PTPRN2: variants seen among roughly 807,000 people sequenced by gnomAD.
PTPRN2 encodes the protein receptor-type tyrosine-protein phosphatase N2.
A neutral mutation model predicts 118.8 loss-of-function variants in PTPRN2; 74 were observed. The ratio of observed to expected loss-of-function variants is 0.62; its 90% CI spans 0.52 to 0.76. The LOEUF (loss-of-function observed/expected upper bound fraction) is 0.76. Ranked by LOEUF, PTPRN2 falls within the 30% of genes least tolerant of loss-of-function variation. The probability of loss-of-function intolerance (pLI) is 0.00; values close to 1 mark genes in which losing one functional copy is unlikely to be tolerated. For synonymous variants in PTPRN2, 641 were observed against 608.0 expected (o/e 1.05, Z -0.80); for missense variants, 1,481 against 1,394.4 (o/e 1.06, Z -0.99).
At chr7:158,069,549 G>A (rs530234128) in intron 11 of PTPRN2, among the ~76,000 whole-genome samples, 12 of 139,740 alleles carry the variant, frequency 8.6e-5, no homozygotes, top group African/African-American at 2.8e-4. Flanking sequence ...CGGCCGCCAC[G>A]CCCCACCTCC....
intron 12 of PTPRN2, among the ~76,000 whole-genome samples, chr7:157,684,599 C>T (rs1049430400): frequency 2.0e-5 from 3 of 150,740 alleles, no homozygotes; most frequent in Non-Finnish European, 4.4e-5. Context: ...CTCCCCTCCC[C>T]TCCGCCCCCC....
intron 12 of PTPRN2, among the ~76,000 whole-genome samples, chr7:157,683,739 C>A (rs1797025880): frequency 6.6e-6 from 1 of 152,094 alleles, no homozygotes; most frequent in South Asian, 2.1e-4. Context: ...TCTCCACGTG[C>A]AAATAGTTGC....
chr7:157,755,903 T>A (rs1316945059), intron 12 of PTPRN2, among the ~76,000 whole-genome samples: 3 of 152,108 alleles, frequency 2.0e-5, no homozygotes, highest in African/African-American at 7.2e-5. Flanking sequence ...AAAAGAAGAA[T>A]GCGAGCATTT....
chr7:158,097,937 T>C (rs1814775624), intron 10 of PTPRN2, among the ~76,000 whole-genome samples: 1 of 151,980 alleles, frequency 6.6e-6, no homozygotes. Flanking sequence ...AATGAGCAGC[T>C]CCCAGAACAT....
At chr7:157,979,269 CT>C (rs756513478) in intron 11 of PTPRN2, among the ~76,000 whole-genome samples, 2 of 152,206 alleles carry the variant, frequency 1.3e-5, no homozygotes, top group Non-Finnish European at 2.9e-5. Context: ...GAGGACATTG[CT>C]TAAGTTATCA....
intron 2 of PTPRN2, among the ~76,000 whole-genome samples, chr7:158,347,711 C>T (rs1563186325): frequency 2.9e-5 from 1 of 34,126 alleles, no homozygotes; most frequent in South Asian, 2.0e-3. Context: ...GACATTTTAA[C>T]AATATTAATT....
intron 6 of PTPRN2, among the ~76,000 whole-genome samples, chr7:158,149,349 C>G (rs73173625): frequency 6.6e-5 from 10 of 151,924 alleles, no homozygotes; most frequent in African/African-American, 1.5e-4. Flanking sequence ...AAATTAACAA[C>G]TACATTGACA....
chr7:158,334,518 G>C (rs1440321275), intron 2 of PTPRN2, among the ~76,000 whole-genome samples: 4 of 109,734 alleles, frequency 3.6e-5, no homozygotes, highest in East Asian at 2.9e-4. Flanking sequence ...CACCATAAGA[G>C]GTGACACCTG....
chr7:157,817,680 G>A (rs1806501661), intron 12 of PTPRN2, among the ~76,000 whole-genome samples: 1 of 152,248 alleles, frequency 6.6e-6, no homozygotes, highest in African/African-American at 2.4e-5. Flanking sequence ...TCAATGGGGT[G>A]AGGGGGCCAA....
At chr7:157,644,508 AGCACTCTG>A (rs1315731710) in intron 14 of PTPRN2, among the ~76,000 whole-genome samples, 15 of 152,192 alleles carry the variant, frequency 9.9e-5, no homozygotes, top group Non-Finnish European at 2.2e-4. Context: ...CAATTAAAGC[AGCACTCTG>A]GCTGGGCGCG....
chr7:157,791,365 G>A (rs1804478147), intron 12 of PTPRN2, among the ~76,000 whole-genome samples: 1 of 152,220 alleles, frequency 6.6e-6, no homozygotes, highest in African/African-American at 2.4e-5. Flanking sequence ...ATAAGCGCCC[G>A]CGTCCACATA....
Position 157,833,511 on chromosome 7 carries a change from C to T in PTPRN2, c.1788+65162G>A, listed in dbSNP as rs746276937. 7.6e-4 allele frequency among the ~76,000 whole-genome samples: 102 copies of T among 135,062 alleles called. 3 individuals carry two copies. Among genetic ancestry groups the T allele is most frequent in the African/African-American group, 2.8e-3 (95 of 34,338 alleles). The allele number at this position is 135,062 out of a possible 152,430, so 88.6% of individuals were successfully genotyped here. The stretch of plus-strand genomic sequence containing the variant: ...TCCAGGAAGTATGCGACGTGGCCGG[C>T]GCCCATCCATCCTGTATGACGGTGA... On this transcript the variant is annotated intron_variant, in intron 12 of 22. Transcript: ENST00000389418.
intron 17 of PTPRN2, among the ~76,000 whole-genome samples, chr7:157,582,547 C>T (rs1050469267): frequency 7.2e-5 from 11 of 152,006 alleles, no homozygotes; most frequent in Admixed American, 5.9e-4. Context: ...ACACACTATA[C>T]GGTAGCAATG....
intron 12 of PTPRN2, among the ~76,000 whole-genome samples, chr7:157,769,682 C>T (rs1306209608): frequency 6.6e-6 from 1 of 152,214 alleles, no homozygotes; most frequent in Non-Finnish European, 1.5e-5. Flanking sequence ...TGTAACAGCA[C>T]AGCAGACATG....
At chr7:158,342,292 A>T (rs71547511) in intron 2 of PTPRN2, among the ~76,000 whole-genome samples, 2 of 128,950 alleles carry the variant, frequency 1.6e-5, no homozygotes, top group African/African-American at 3.0e-5. Context: ...CATAGAGCTG[A>T]CACCCGCAGA....
rs1391749299 is a variant in PTPRN2, at chr7:157,656,400, G to A, written c.2153C>T (p.Pro718Leu). ...RSSASSWSEE[P>L]VQSNMDISTG... ...GGAGATGTCCATGTTGGACTGCACA[G>A]GCTCCTCGGACCAGGATGAGGCGCT... Residue 718 changes from proline to leucine, a missense_variant, in exon 14 of 23, where the codon CCT (proline) becomes CTT (leucine). By Grantham distance (98) the Pro-to-Leu change is moderately conservative. Around this residue, in one of 3 missense-constraint regions of PTPRN2, gnomAD observed 1,115 missense variants for 994.2 expected, o/e 1.12. Transcript: ENST00000389418. 2 of 1,552,818 alleles carry A rather than the reference G, an allele frequency of 1.3e-6. No homozygotes were observed. Among genetic ancestry groups the A allele is most frequent in the East Asian group, 4.9e-5 (2 of 41,058 alleles).
chr7:157,939,631 C>T (rs1445587023), intron 11 of PTPRN2, among the ~76,000 whole-genome samples: 1 of 152,252 alleles, frequency 6.6e-6, no homozygotes, highest in Non-Finnish European at 1.5e-5. Context: ...GGCCTCAACC[C>T]CATCGTCCAG....
chr7:158,518,981 C>T (rs1823776895), intron 1 of PTPRN2, among the ~76,000 whole-genome samples: 1 of 152,068 alleles, frequency 6.6e-6, no homozygotes, highest in South Asian at 2.1e-4. Flanking sequence ...CAAAACAACT[C>T]TGTCTCTAAA....
chr7:158,094,486 TA>T (rs1814466464), intron 10 of PTPRN2, among the ~76,000 whole-genome samples: 1 of 151,962 alleles, frequency 6.6e-6, no homozygotes, highest in African/African-American at 2.4e-5. Flanking sequence ...ATTTTTTTTT[TA>T]AAATAGAGAT....
Sources: allele counts gnomAD v4.1 joint callset (sites outside exome capture counted in the v4.1 genomes callset), GRCh38; gene constraint gnomAD v4.1.1; regional missense constraint gnomAD v4.1.1; transcripts MANE v1.5; gene names NCBI Gene and HGNC (gene_info 2026-07-23, HGNC 2026-07-21).